Variants in EPHA6 observed in about 807,000 individuals in gnomAD.
EPHA6 encodes the protein ephrin type-A receptor 6.
A neutral mutation model predicts 112.0 loss-of-function variants in EPHA6; 50 were observed. The observed-to-expected ratio is 0.45, with a 90% CI of 0.36 to 0.56. The LOEUF (loss-of-function observed/expected upper bound fraction) is 0.56, where lower values mean the gene tolerates loss of function less well. Among genes scored for constraint, EPHA6 ranks in the 20% least tolerant of loss-of-function variants. The pLI, the probability that EPHA6 is intolerant of heterozygous loss-of-function variation, is 0.00. For synonymous variants in EPHA6, 529 were observed against 490.7 expected (o/e 1.08, Z -1.03); for missense variants, 1,280 against 1,417.4 (o/e 0.90, Z 1.56).
chr3:97,109,045 C>T (rs908419475), intron 3 of EPHA6, among the ~76,000 whole-genome samples: 4 of 152,158 alleles, frequency 2.6e-5, no homozygotes, highest in Non-Finnish European at 5.9e-5. Context: ...TTCTATTGCA[C>T]TTGCAACAAT....
At chr3:97,627,283 A>G (rs1265129808) in intron 13 of EPHA6, among the ~76,000 whole-genome samples, 1 of 151,976 alleles carries the variant, frequency 6.6e-6, no homozygotes, top group Non-Finnish European at 1.5e-5. Context: ...TAGAGAAAAA[A>G]GAATTCAGCA....
chr3:96,964,307 G>A (rs2042045949), intron 2 of EPHA6, among the ~76,000 whole-genome samples: 1 of 152,146 alleles, frequency 6.6e-6, no homozygotes, highest in South Asian at 2.1e-4. Context: ...GATTATTTCA[G>A]TGCCACATTA....
chr3:96,815,116 C>G (rs2032659023), intron 1 of EPHA6, 108 bp downstream of exon 1: 2 of 1,118,394 alleles, frequency 1.8e-6, no homozygotes, highest in Non-Finnish European at 2.4e-6. Context: ...GTCAGAGTCT[C>G]CTGGCTCGCC....
intron 2 of EPHA6, among the ~76,000 whole-genome samples, chr3:96,924,790 A>G (rs1186042164): frequency 2.6e-5 from 4 of 152,048 alleles, no homozygotes; most frequent in Non-Finnish European, 4.4e-5. Context: ...TATGGCTCTT[A>G]TTATTTGCAA....
At chr3:96,964,693 A>G (rs2042060074) in intron 2 of EPHA6, among the ~76,000 whole-genome samples, 1 of 152,184 alleles carries the variant, frequency 6.6e-6, no homozygotes, top group African/African-American at 2.4e-5. Context: ...ACTACAAAAC[A>G]TGCTCTGATG....
chr3:96,894,282 A>G (rs1030168570), intron 2 of EPHA6, among the ~76,000 whole-genome samples: 4 of 152,190 alleles, frequency 2.6e-5, no homozygotes, highest in African/African-American at 7.2e-5. Context: ...CTGCTATGCC[A>G]GTGAAATGGA....
chr3:97,416,001 G>A (rs58327999), intron 6 of EPHA6, among the ~76,000 whole-genome samples: 10 of 151,848 alleles, frequency 6.6e-5, no homozygotes, highest in East Asian at 5.8e-4. Flanking sequence ...TCTCCATTTC[G>A]CCTAATTGTC....
chr3:97,502,081 G>A (rs1024382605), intron 10 of EPHA6, among the ~76,000 whole-genome samples: 3 of 151,106 alleles, frequency 2.0e-5, no homozygotes, highest in South Asian at 4.2e-4. Context: ...GAGTATTTGC[G>A]ATTCAGAAGA....
At chr3:97,207,181 G>T (rs1024100086) in intron 3 of EPHA6, among the ~76,000 whole-genome samples, 1 of 152,086 alleles carries the variant, frequency 6.6e-6, no homozygotes, top group Non-Finnish European at 1.5e-5. Context: ...TTCAAAAAAA[G>T]CTGTATCAGA....
At chr3:97,230,301 G>A (rs1042325870) in intron 4 of EPHA6, among the ~76,000 whole-genome samples, 1 of 152,124 alleles carries the variant, frequency 6.6e-6, no homozygotes, top group African/African-American at 2.4e-5. Flanking sequence ...TGACAAACTA[G>A]TCAAAGAAAA....
intron 2 of EPHA6, among the ~76,000 whole-genome samples, chr3:96,966,337 C>T (rs1193122908): frequency 6.6e-6 from 1 of 151,938 alleles, no homozygotes; most frequent in Non-Finnish European, 1.5e-5. Flanking sequence ...TACAGGGAGC[C>T]AGCTGGCAAA....
chr3:97,338,335 C>T (rs2083152945), intron 5 of EPHA6, among the ~76,000 whole-genome samples: 1 of 152,010 alleles, frequency 6.6e-6, no homozygotes, highest in African/African-American at 2.4e-5. Context: ...ATGTATATTG[C>T]CCCTAAGATA....
chr3:96,843,371 G>C (rs897436986), intron 1 of EPHA6, among the ~76,000 whole-genome samples: 2 of 152,032 alleles, frequency 1.3e-5, no homozygotes, highest in Non-Finnish European at 1.5e-5. Context: ...AGTTAAGGGA[G>C]TATGGAGTAT....
chr3:97,243,206 C>T (rs2078898016), intron 4 of EPHA6, among the ~76,000 whole-genome samples: 2 of 151,756 alleles, frequency 1.3e-5, no homozygotes, highest in South Asian at 4.2e-4. Flanking sequence ...GTGTGGGTCT[C>T]TTTTAGGCCC....
intron 1 of EPHA6, among the ~76,000 whole-genome samples, chr3:96,838,494 G>A (rs2034550825): frequency 1.3e-5 from 2 of 152,024 alleles, no homozygotes. Context: ...CAGAATGGTT[G>A]AACTAATTTA....
chr3:96,917,446 T>C (rs935774678), intron 2 of EPHA6, among the ~76,000 whole-genome samples: 2 of 150,236 alleles, frequency 1.3e-5, no homozygotes, highest in African/African-American at 5.0e-5. Context: ...AAAAGAATTT[T>C]TTTTCATTAT....
chr3:96,921,386 A>T (rs915267334), intron 2 of EPHA6, among the ~76,000 whole-genome samples: 3 of 152,162 alleles, frequency 2.0e-5, no homozygotes, highest in Non-Finnish European at 2.9e-5. Context: ...AAACTTAAAC[A>T]TAAACATTTA....
intron 3 of EPHA6, among the ~76,000 whole-genome samples, chr3:97,087,521 C>A (rs2046939137): frequency 6.6e-6 from 1 of 152,096 alleles, no homozygotes; most frequent in African/African-American, 2.4e-5. Context: ...AGGGAAAGGG[C>A]CACTAGCTAG....
chr3:97,187,368 A>G (rs2108467635), intron 3 of EPHA6, among the ~76,000 whole-genome samples: 1 of 152,116 alleles, frequency 6.6e-6, no homozygotes, highest in Non-Finnish European at 1.5e-5. Flanking sequence ...TCAGGAGTTC[A>G]AGACCAACCT....
Sources: gnomAD v4.1 joint callset for allele counts (sites outside exome capture counted in the v4.1 genomes callset) on GRCh38, gnomAD v4.1.1 for gene constraint, MANE v1.5 for transcripts, NCBI Gene and HGNC (gene_info 2026-07-23, HGNC 2026-07-21) for gene names.